The following GOLPH3L variants were observed in gnomAD, a reference collection of about 807,000 sequenced individuals.
GOLPH3L encodes golgi phosphoprotein 3 like.
A neutral mutation model predicts 30.3 loss-of-function variants in GOLPH3L; 22 were observed. The ratio of observed to expected loss-of-function variants is 0.73; its 90% confidence interval spans 0.52 to 1.04. The LOEUF is 1.04. Ranked by LOEUF, GOLPH3L falls within the 50% of genes least tolerant of loss-of-function variation. GOLPH3L has a pLI of 0.00. For missense variants in GOLPH3L, 303 were observed against 345.8 expected, an observed-to-expected ratio of 0.88 and a Z score of 0.98; for synonymous variants, 120 against 128.2, an observed-to-expected ratio of 0.94 and a Z score of 0.43.
At chr1:150,679,517 G>T (rs766628680) in intron 2 of GOLPH3L, among the ~76,000 whole-genome samples, 17 of 152,120 alleles carry the variant, frequency 1.1e-4, no homozygotes, top group Non-Finnish European at 1.2e-4. Flanking sequence ...TAATAAAAAG[G>T]GCTGGGCGCA....
intron 4 of GOLPH3L, among the ~76,000 whole-genome samples, chr1:150,652,380 CAAAAAAAAAAAA>C (rs34446972): frequency 1.2e-4 from 5 of 40,190 alleles, no homozygotes; most frequent in East Asian, 2.1e-3. Flanking sequence ...GACTCTGTCT[CAAAAAAAAAAAA>C]AAAAAAAAAA....
At chr1:150,654,266 G>A (rs1247928348) in intron 4 of GOLPH3L, among the ~76,000 whole-genome samples, 2 of 151,676 alleles carry the variant, frequency 1.3e-5, no homozygotes, top group Non-Finnish European at 2.9e-5. Flanking sequence ...CAGCACTTTG[G>A]GAGGCCAAGG....
chr1:150,672,927 T>C (rs1312868937), intron 2 of GOLPH3L, among the ~76,000 whole-genome samples: 7 of 152,142 alleles, frequency 4.6e-5, no homozygotes, highest in Admixed American at 4.6e-4. Flanking sequence ...TCAGGTTTAT[T>C]TTAAAAGGTG....
At chr1:150,655,401 CA>C (rs1650216805) in intron 4 of GOLPH3L, among the ~76,000 whole-genome samples, 1 of 152,078 alleles carries the variant, frequency 6.6e-6, no homozygotes, top group South Asian at 2.1e-4. Context: ...TTTATTACAA[CA>C]ATGGGGAGCA....
At chr1:150,670,638 A>C (rs1227919595) in intron 2 of GOLPH3L, among the ~76,000 whole-genome samples, 1 of 152,184 alleles carries the variant, frequency 6.6e-6, no homozygotes, top group East Asian at 1.9e-4. Flanking sequence ...AGACTTTAGA[A>C]AGTGAAAGTG....
intron 4 of GOLPH3L, among the ~76,000 whole-genome samples, chr1:150,657,093 G>C (rs769827592): frequency 2.6e-5 from 4 of 152,112 alleles, no homozygotes; most frequent in Non-Finnish European, 5.9e-5. Context: ...TTCTTCATAT[G>C]TGGTTCATTC....
intron 2 of GOLPH3L, among the ~76,000 whole-genome samples, chr1:150,667,875 T>A (rs1650546142): frequency 6.6e-6 from 1 of 151,978 alleles, no homozygotes; most frequent in South Asian, 2.1e-4. Context: ...ATTACAGGAG[T>A]GAGCCACCAC....
intron 2 of GOLPH3L, among the ~76,000 whole-genome samples, chr1:150,671,506 C>CA (rs999878289): frequency 1.3e-5 from 2 of 151,468 alleles, no homozygotes; most frequent in African/African-American, 4.8e-5. Context: ...GCCTGCTTGG[C>CA]AAAAAAAGAG....
intron 4 of GOLPH3L, among the ~76,000 whole-genome samples, chr1:150,660,911 T>G (rs899217512): frequency 5.3e-5 from 8 of 152,132 alleles, no homozygotes; most frequent in African/African-American, 1.9e-4. Flanking sequence ...TTCACAGAAT[T>G]GTACACTTAA....
chr1:150,692,280 T>C (rs1204959976), intron 2 of GOLPH3L, among the ~76,000 whole-genome samples: 2 of 152,242 alleles, frequency 1.3e-5, no homozygotes, highest in Non-Finnish European at 1.5e-5. Flanking sequence ...CATTTACACC[T>C]AAGGATTTAT....
At chr1:150,652,801 A>T (rs1650154798) in intron 4 of GOLPH3L, among the ~76,000 whole-genome samples, 1 of 152,174 alleles carries the variant, frequency 6.6e-6, no homozygotes, top group Non-Finnish European at 1.5e-5. Flanking sequence ...AGGGTGGGAA[A>T]AAAGTTGTGT....
chr1:150,662,275 G>GC (rs376654525), intron 3 of GOLPH3L, among the ~76,000 whole-genome samples: 29 of 152,162 alleles, frequency 1.9e-4, no homozygotes, highest in African/African-American at 7.0e-4. Flanking sequence ...ACTTTGGGAG[G>GC]CTGAGGCGGG....
At position 150,648,694 on chromosome 1, in the gene GOLPH3L, C is replaced by T. The variant is rs781403485; in HGVS notation, c.485G>A (p.Arg162His). The change falls in exon 5 of 5, where the codon CGC becomes CAC. Residue 162 changes from arginine (R) to histidine (H), a missense_variant. Transcript: ENST00000271732. ...LQYQLRNVRE[R>H]IAKNLVEKGI... ...TTTCTCTACTAGGTTCTTTGCGATG[C>T]GCTCTCGTACATTTCTCAGCTGGTA... The T allele has an allele frequency of 8.1e-6, 13 of 1,612,072 alleles. No homozygotes were observed. Among genetic ancestry groups the T allele is most frequent in the African/African-American group, 2.7e-5 (2 of 74,834 alleles).
In GOLPH3L at chr1:150,694,740, T is replaced by G. The variant is rs1318532254; in HGVS notation, c.99A>C (p.Pro33=). 2.5e-6 allele frequency: 4 copies of G among 1,610,702 alleles called. No homozygotes were observed. In the South Asian group the frequency reaches 4.4e-5, roughly 18 times the overall value. The part of the protein sequence containing the change: ...SEEDSNWEKS[P]DNEDSGDSKD... The stretch of plus-strand genomic sequence containing the variant: ...TAGAGTCTCCAGAATCTTCATTGTC[T>G]GGACTTTTCTCCCAATTACTGTCTT... Residue 33 remains proline, a synonymous_variant, in exon 2 of 5, where the codon CCA becomes CCC. Transcript: ENST00000271732.
chr1:150,693,819 GTA>G (rs1175095529), intron 2 of GOLPH3L, among the ~76,000 whole-genome samples: 3,556 of 86,536 alleles, frequency 0.041, 211 homozygotes, highest in East Asian at 0.077. Flanking sequence ...GTGTGTGTGT[GTA>G]TATATATATA....
chr1:150,665,973 A>C (rs1226794975), intron 2 of GOLPH3L, among the ~76,000 whole-genome samples: 1 of 152,220 alleles, frequency 6.6e-6, no homozygotes, highest in Non-Finnish European at 1.5e-5. Flanking sequence ...CATTGAAGAT[A>C]GTATGCCCTC....
chr1:150,663,265 C>T (rs587772992), intron 3 of GOLPH3L, among the ~76,000 whole-genome samples: 54 of 152,144 alleles, frequency 3.5e-4, no homozygotes, highest in East Asian at 9.7e-4. Flanking sequence ...TGGTCTCAAT[C>T]GCCTGACCTC....
At chr1:150,667,401 C>T (rs587714244) in intron 2 of GOLPH3L, among the ~76,000 whole-genome samples, 294 of 152,180 alleles carry the variant, frequency 1.9e-3, no homozygotes, top group African/African-American at 6.9e-3. Flanking sequence ...TGATATAACT[C>T]CCTCCCCTCA....
At chr1:150,678,284 C>CAAAAAA (rs75131824) in intron 2 of GOLPH3L, among the ~76,000 whole-genome samples, 1,050 of 45,908 alleles carry the variant, frequency 0.023, 77 homozygotes, top group African/African-American at 0.071. Context: ...AACTCCGTCT[C>CAAAAAA]AAAAAAAAAA....
Sources: gnomAD v4.1 joint callset for allele counts (sites outside exome capture counted in the v4.1 genomes callset) on GRCh38, gnomAD v4.1.1 for gene constraint, MANE v1.5 for transcripts, NCBI Gene and HGNC (gene_info 2026-07-23, HGNC 2026-07-21) for gene names.